The following MOGAT1 variants were observed in gnomAD, a reference collection of about 807,000 sequenced individuals.
MOGAT1 encodes the protein 2-acylglycerol O-acyltransferase 1.
Under a neutral mutation model 31.4 loss-of-function variants are expected in MOGAT1, and 32 were observed. The ratio of observed to expected loss-of-function variants is 1.02; its 90% CI spans 0.77 to 1.37. The LOEUF (loss-of-function observed/expected upper bound fraction) is 1.37. MOGAT1 is among the 40% of genes most tolerant of loss of function. The pLI, the probability that MOGAT1 is intolerant of heterozygous loss-of-function variation, is 0.00. For missense variants in MOGAT1, 426 were observed against 402.0 expected (o/e 1.06, Z -0.51); for synonymous variants, 145 against 144.5 (o/e 1.00, Z -0.03).
intron 5 of MOGAT1, among the ~76,000 whole-genome samples, chr2:222,708,754 C>G (rs1405504799): frequency 6.6e-6 from 1 of 152,108 alleles, no homozygotes; most frequent in Non-Finnish European, 1.5e-5. Context: ...AAAAATGGAT[C>G]ATACTGTATT....
chr2:222,691,447 G>A (rs1327263366), intron 3 of MOGAT1, among the ~76,000 whole-genome samples: 1 of 152,132 alleles, frequency 6.6e-6, no homozygotes, highest in Non-Finnish European at 1.5e-5. Flanking sequence ...GACCTCAGGT[G>A]ATCCACCCAG....
intron 5 of MOGAT1, among the ~76,000 whole-genome samples, chr2:222,708,726 A>AATAT (rs1693067571): frequency 6.6e-6 from 1 of 152,186 alleles, no homozygotes; most frequent in African/African-American, 2.4e-5. Flanking sequence ...TACTTCTAGG[A>AATAT]ATATAAACAT....
intron 5 of MOGAT1, among the ~76,000 whole-genome samples, chr2:222,701,299 G>GGAGGA (rs1553562915): frequency 2.2e-5 from 2 of 90,548 alleles, no homozygotes; most frequent in African/African-American, 8.9e-5. Flanking sequence ...AGGAGGAGGA[G>GGAGGA]GAGAGAGAGA....
At chr2:222,672,646 C>T (rs1692437504) in intron 1 of MOGAT1, among the ~76,000 whole-genome samples, 1 of 152,030 alleles carries the variant, frequency 6.6e-6, no homozygotes, top group African/African-American at 2.4e-5. Flanking sequence ...GGGGGAGACC[C>T]TTCTATTGAA....
intron 5 of MOGAT1, among the ~76,000 whole-genome samples, chr2:222,709,045 C>G (rs1474845423): frequency 6.6e-6 from 1 of 152,080 alleles, no homozygotes; most frequent in African/African-American, 2.4e-5. Context: ...GAAAGACACT[C>G]AAAAGAGGCA....
At chr2:222,684,407 A>G (rs1023586377) in intron 1 of MOGAT1, among the ~76,000 whole-genome samples, 2 of 150,018 alleles carry the variant, frequency 1.3e-5, no homozygotes, top group African/African-American at 4.9e-5. Context: ...CTCTGTCTCA[A>G]AAAAAAAAAG....
intron 1 of MOGAT1, among the ~76,000 whole-genome samples, chr2:222,678,633 G>A (rs953078727): frequency 4.6e-5 from 7 of 152,152 alleles, no homozygotes; most frequent in East Asian, 1.9e-4. Flanking sequence ...GTTGGGTGTC[G>A]TATCTTTAAA....
chr2:222,697,985 T>C (rs893059257), intron 5 of MOGAT1, among the ~76,000 whole-genome samples: 1 of 152,116 alleles, frequency 6.6e-6, no homozygotes, highest in Non-Finnish European at 1.5e-5. Context: ...TTCACGCTCA[T>C]GAACTACAGA....
chr2:222,703,092 G>A (rs1301603841), intron 5 of MOGAT1, among the ~76,000 whole-genome samples: 1 of 152,182 alleles, frequency 6.6e-6, no homozygotes, highest in Non-Finnish European at 1.5e-5. Flanking sequence ...TTGCAAGTAT[G>A]TGGGAACCCC....
intron 1 of MOGAT1, among the ~76,000 whole-genome samples, chr2:222,681,325 C>T (rs1692577946): frequency 6.6e-6 from 1 of 152,186 alleles, no homozygotes; most frequent in Non-Finnish European, 1.5e-5. Flanking sequence ...TGAGGATTCA[C>T]ACGACCTCCT....
chr2:222,692,038 T>C (rs1051397635), intron 3 of MOGAT1, among the ~76,000 whole-genome samples: 1 of 152,198 alleles, frequency 6.6e-6, no homozygotes, highest in Non-Finnish European at 1.5e-5. Flanking sequence ...CTTTCGATTT[T>C]ATTTTGTAGA....
At chr2:222,702,953 G>A (rs532339591) in intron 5 of MOGAT1, among the ~76,000 whole-genome samples, 5 of 152,194 alleles carry the variant, frequency 3.3e-5, no homozygotes, top group Non-Finnish European at 4.4e-5. Context: ...GAGATTAAAG[G>A]AAATAATGTT....
intron 1 of MOGAT1, among the ~76,000 whole-genome samples, chr2:222,673,632 C>T (rs1042140618): frequency 5.3e-5 from 8 of 152,248 alleles, no homozygotes; most frequent in African/African-American, 1.9e-4. Context: ...GTTTCAAACC[C>T]AAGTATTCTG....
chr2:222,702,733 T>C (rs759420831), intron 5 of MOGAT1, among the ~76,000 whole-genome samples: 3 of 150,840 alleles, frequency 2.0e-5, no homozygotes, highest in Non-Finnish European at 3.0e-5. Context: ...TATATTCTGA[T>C]GGGAAAAAAG....
intron 1 of MOGAT1, among the ~76,000 whole-genome samples, chr2:222,687,113 C>CAAA (rs1177781176): frequency 4.5e-5 from 1 of 22,454 alleles, no homozygotes; most frequent in Non-Finnish European, 8.4e-5. Flanking sequence ...GACTCCATCT[C>CAAA]AAAAAAAAAA....
At chr2:222,684,916 T>C (rs1030490119) in intron 1 of MOGAT1, among the ~76,000 whole-genome samples, 10 of 152,170 alleles carry the variant, frequency 6.6e-5, no homozygotes, top group African/African-American at 2.4e-4. Flanking sequence ...AATCAAAATG[T>C]GGGCAAACTT....
At chr2:222,679,518 A>G (rs751567916) in intron 1 of MOGAT1, among the ~76,000 whole-genome samples, 1 of 152,256 alleles carries the variant, frequency 6.6e-6, no homozygotes, top group African/African-American at 2.4e-5. Flanking sequence ...TGAACTGATT[A>G]CAGTACATAT....
At chr2:222,696,115 G>C (rs1308271978) in intron 5 of MOGAT1, among the ~76,000 whole-genome samples, 1 of 152,188 alleles carries the variant, frequency 6.6e-6, no homozygotes, top group Non-Finnish European at 1.5e-5. Context: ...TTATGGCTAA[G>C]TAGTAGTCCA....
chr2:222,697,546 T>C (rs957389645), intron 5 of MOGAT1, among the ~76,000 whole-genome samples: 1 of 151,136 alleles, frequency 6.6e-6, no homozygotes, highest in Non-Finnish European at 1.5e-5. Context: ...CTGGGAGAAA[T>C]TCCTGTGGAA....
Sources: gnomAD v4.1 joint callset for allele counts (sites outside exome capture counted in the v4.1 genomes callset) on GRCh38, gnomAD v4.1.1 for gene constraint, MANE v1.5 for transcripts, NCBI Gene and HGNC (gene_info 2026-07-23, HGNC 2026-07-21) for gene names.